UNC13C: variants seen among roughly 807,000 people sequenced by gnomAD.
The protein encoded by UNC13C is protein unc-13 homolog C.
A neutral mutation model predicts 245.4 loss-of-function variants in UNC13C; 174 were observed. The ratio of observed to expected loss-of-function variants is 0.71; its 90% CI spans 0.63 to 0.80. UNC13C has a LOEUF of 0.80. Ranked by LOEUF, UNC13C falls within the 30% of genes least tolerant of loss-of-function variation. The pLI, the probability that UNC13C is intolerant of heterozygous loss-of-function variation, is 0.00. For synonymous variants in UNC13C, 992 were observed against 895.1 expected, an observed-to-expected ratio of 1.11 and a Z score of -1.93; for missense variants, 2,829 against 2,602.9, an observed-to-expected ratio of 1.09 and a Z score of -1.89.
chr15:54,145,922 T>C (rs1032061421), intron 4 of UNC13C, among the ~76,000 whole-genome samples: 1 of 152,194 alleles, frequency 6.6e-6, no homozygotes, highest in African/African-American at 2.4e-5. Context: ...TCTTTGCATT[T>C]CGAATAGATC....
At chr15:53,916,458 A>C in the UNC13C span, among the ~76,000 whole-genome samples, 1 of 152,248 alleles carries the variant, frequency 6.6e-6, no homozygotes, top group South Asian at 2.1e-4. Context: ...TGGAATGGAA[A>C]GGATGAGGGG....
intron 22 of UNC13C, 88 bp downstream of exon 22, chr15:54,501,066 C>T: frequency 7.5e-7 from 1 of 1,332,928 alleles, no homozygotes; most frequent in East Asian, 2.3e-5. Context: ...TCTTCTCTGT[C>T]ACCCCATCCC....
intron 2 of UNC13C, among the ~76,000 whole-genome samples, chr15:54,080,936 A>G (rs1595823322): frequency 1.3e-5 from 2 of 151,952 alleles, no homozygotes; most frequent in South Asian, 4.1e-4. Context: ...TTTTTGGTGT[A>G]GGCATTTAGC....
chr15:54,491,128 C>A (rs1893681911), intron 19 of UNC13C, among the ~76,000 whole-genome samples: 1 of 152,096 alleles, frequency 6.6e-6, no homozygotes, highest in East Asian at 1.9e-4. Flanking sequence ...AGAGACACAC[C>A]CAGTAAACAT....
chr15:54,350,212 G>C (rs1301322325), intron 17 of UNC13C, among the ~76,000 whole-genome samples: 1 of 152,136 alleles, frequency 6.6e-6, no homozygotes, highest in Non-Finnish European at 1.5e-5. Context: ...GGATGGTCTT[G>C]ATCTCCTGAC....
At chr15:54,498,842 A>G (rs1188878968) in intron 20 of UNC13C, among the ~76,000 whole-genome samples, 4 of 152,148 alleles carry the variant, frequency 2.6e-5, no homozygotes, top group African/African-American at 9.7e-5. Flanking sequence ...TTTCAATACA[A>G]CCCTATGCAA....
At chr15:54,250,569 A>G (rs990826444) in intron 8 of UNC13C, 125 bp downstream of exon 8, 1 of 746,318 alleles carries the variant, frequency 1.3e-6, no homozygotes, top group South Asian at 1.9e-5. Context: ...CCCACCACTT[A>G]CACAAAGATA....
At chr15:54,296,374 T>TA (rs2037432220) in intron 11 of UNC13C, among the ~76,000 whole-genome samples, 1 of 100,168 alleles carries the variant, frequency 1.0e-5, no homozygotes. Context: ...CTAATTTTTT[T>TA]TTTTTTTTAT....
At chr15:53,837,669 A>G in the UNC13C span, 2 of 152,314 alleles carry the variant, frequency 1.3e-5, no homozygotes, top group African/African-American at 4.8e-5. Flanking sequence ...GGTAAATGAC[A>G]GTCTCTTCTG....
chr15:54,138,018 T>A (rs2031823200), intron 2 of UNC13C, among the ~76,000 whole-genome samples: 1 of 152,172 alleles, frequency 6.6e-6, no homozygotes, highest in Non-Finnish European at 1.5e-5. Context: ...ATTGTGTTTC[T>A]ATTTTTGTTT....
rs2141004862 is a variant in UNC13C, at chr15:54,338,356, G to GTCTC, written c.4585-3_4585-2insTCTC. 1 of 1,610,114 alleles carries GTCTC rather than the reference G, an allele frequency of 6.2e-7. No homozygotes were observed. The highest frequency in any genetic ancestry group is 1.1e-5 in the South Asian group (1 of 90,430). Reference sequence around the variant, plus strand: ...TTTGAGAAAATAAATGTCTGTCTTTGTCAGGTTCTGGAGCTGCAAAGCCCC... The same window carrying GTCTC: ...TTTGAGAAAATAAATGTCTGTCTTTGTCTCTCAGGTTCTGGAGCTGCAAAGCCCC... On this transcript the variant is annotated splice_region_variant and splice_polypyrimidine_tract_variant and intron_variant, in intron 16 of 32. Transcript: ENST00000260323.
At chr15:53,989,794 C>T (rs1346038834) in intron 1 of UNC13C, among the ~76,000 whole-genome samples, 1 of 151,950 alleles carries the variant, frequency 6.6e-6, no homozygotes, top group Non-Finnish European at 1.5e-5. Context: ...GAGACAGCAG[C>T]CAGCATGGCT....
chr15:54,390,901 A>G (rs1337549471), intron 17 of UNC13C, among the ~76,000 whole-genome samples: 3 of 141,082 alleles, frequency 2.1e-5, no homozygotes, highest in African/African-American at 7.6e-5. Flanking sequence ...AGCCTGGTTT[A>G]TGATAGTATT....
At position 54,628,217 on chromosome 15, in the gene UNC13C, A is replaced by G. The variant is rs1901309995; in HGVS notation, c.*1104A>G. The G allele has an allele frequency of 6.6e-6, 1 of 150,492 alleles. No individual in the cohort carries two copies. The allele number at this position is 150,492 out of a possible 1,614,324, so 9.3% of individuals were successfully genotyped here. A position where few individuals can be genotyped will look rare whatever the true frequency, so the allele number is the denominator to read the frequency against. On this transcript the variant is annotated 3_prime_UTR_variant, in exon 33 of 33. Transcript: ENST00000260323. ...AATATAGCTAAGTTGGTTTTTGAAT[A>G]TAAAACAGTTTATGAATATGTGCAT...
chr15:53,952,273 A>G, the UNC13C span, among the ~76,000 whole-genome samples: 4 of 152,192 alleles, frequency 2.6e-5, no homozygotes, highest in Non-Finnish European at 2.9e-5. Context: ...ATAGTGGCTA[A>G]AATTATAAAG....
Position 53,978,865 on chromosome 15 carries a change from CA to C in UNC13C, c.-315del, listed in dbSNP as rs1034251766. Among the ~76,000 whole-genome samples the C allele has an allele frequency of 6.6e-6, 1 of 152,102 alleles. No homozygotes were observed. The highest frequency in any genetic ancestry group is 2.4e-5 in the African/African-American group (1 of 41,428). On this transcript the variant is annotated 5_prime_UTR_variant, in exon 1 of 33. Transcript: ENST00000260323. ...TCCTAAAAGGAAAACACATACACTC[CA>C]AAAGGAGGGGAAGAACAACCCAGTT...
chr15:54,212,411 G>A (rs2034908514), intron 4 of UNC13C, among the ~76,000 whole-genome samples: 1 of 152,054 alleles, frequency 6.6e-6, no homozygotes, highest in Admixed American at 6.6e-5. Flanking sequence ...TCTAAGTCCA[G>A]AGAATCATAT....
chr15:54,445,355 G>T (rs1271278390), intron 19 of UNC13C, among the ~76,000 whole-genome samples: 2 of 151,752 alleles, frequency 1.3e-5, no homozygotes, highest in African/African-American at 4.8e-5. Flanking sequence ...TGAGTCAAAT[G>T]GTATTTCTAG....
At chr15:54,224,834 G>C (rs921015897) in intron 4 of UNC13C, among the ~76,000 whole-genome samples, 19 of 152,100 alleles carry the variant, frequency 1.2e-4, no homozygotes, top group Admixed American at 1.0e-3. Context: ...ACTTGTTATT[G>C]GTCTGTTCAG....
Sources: gnomAD v4.1 joint callset for allele counts (sites outside exome capture counted in the v4.1 genomes callset) on GRCh38, gnomAD v4.1.1 for gene constraint, MANE v1.5 for transcripts, NCBI Gene and HGNC (gene_info 2026-07-23, HGNC 2026-07-21) for gene names.